FOXK1: variants seen among roughly 807,000 people sequenced by gnomAD.
The protein encoded by FOXK1 is forkhead box protein K1.
FOXK1 carries 19 observed loss-of-function variants against 51.9 expected under a neutral mutation model. The observed-to-expected ratio is 0.37, with a 90% CI of 0.26 to 0.54. The LOEUF (loss-of-function observed/expected upper bound fraction) is 0.54, where lower values mean the gene tolerates loss of function less well. Ranked by LOEUF, FOXK1 falls within the 20% of genes least tolerant of loss-of-function variation. FOXK1 has a pLI of 0.87. For synonymous variants in FOXK1, 537 were observed against 482.6 expected (o/e 1.11, Z -1.48); for missense variants, 870 against 1,032.7 (o/e 0.84, Z 2.16).
rs1780472805 is a variant in FOXK1 at position 4,731,245 on chromosome 7, T to C, written c.561-9593T>C. On this transcript the variant is annotated intron_variant, in intron 1 of 8. Transcript: ENST00000328914. The surrounding 1 kb of genome is among the most constrained non-coding windows in gnomAD (Gnocchi z 5.3). The stretch of plus-strand genomic sequence containing the variant: ...GTTCCCCGGCCTTCCCTTGAGACTC[T>C]TGGGGGCCTGGGCCCTGCGGGACGT... Among the ~76,000 whole-genome samples, 1 of 152,212 alleles carries C rather than the reference T, an allele frequency of 6.6e-6. No homozygotes were observed. The highest frequency in any genetic ancestry group is 2.4e-5 in the African/African-American group (1 of 41,450).
At position 4,711,843 on chromosome 7, in the gene FOXK1, C is replaced by T. The variant is rs537255170; in HGVS notation, c.560+28975C>T. 4.1e-3 allele frequency among the ~76,000 whole-genome samples: 624 copies of T among 152,182 alleles called. No individual in the cohort carries two copies. Among genetic ancestry groups the T allele is most frequent in the Non-Finnish European group, 6.0e-3 (407 of 68,006 alleles). ...TCAGAGAGAAAAGATTGCGGCCGGC[C>T]GGTGTCAAGGCGGGGGACCTGTGAG... On this transcript the variant is annotated intron_variant, in intron 1 of 8. Coordinates refer to ENST00000328914, the MANE Select transcript of FOXK1 (RefSeq NM_001037165.2). The surrounding 1 kb of genome is among the most constrained non-coding windows in gnomAD (Gnocchi z 6.3).
chr7:4,754,824 A>G, intron 3 of FOXK1: 1 of 680,284 alleles, frequency 1.5e-6, no homozygotes, highest in South Asian at 1.9e-5. Flanking sequence ...TTTGCTGGTG[A>G]CAGGGGTGGC....
In FOXK1 at chr7:4,728,746, A is replaced by G. The variant is rs1027591355; in HGVS notation, c.561-12092A>G. ...TCTCTTTTTGAAAAAAAAAAAAAAA[A>G]AAAAAGAAAGAAAAGAAAACGTATT... On this transcript the variant is annotated intron_variant, in intron 1 of 8. Coordinates refer to ENST00000328914, the MANE Select transcript of FOXK1 (RefSeq NM_001037165.2). 2.9e-3 allele frequency among the ~76,000 whole-genome samples: 434 copies of G among 150,568 alleles called. 5 individuals are homozygous for G. Among genetic ancestry groups the G allele is most frequent in the African/African-American group, 0.01 (417 of 41,082 alleles).
chr7:4,759,262 T>C (rs1371121985), intron 6 of FOXK1, 45 bp downstream of exon 6: 85 of 1,606,334 alleles, frequency 5.3e-5, no homozygotes, highest in Non-Finnish European at 6.0e-5. Context: ...GGGGCGGGAC[T>C]CGTGGGGGTG....
chr7:4,762,501 C>T lies in FOXK1; in HGVS notation c.*37C>T, dbSNP rs1316926758. ...ACGCGGGGGAGTGGGACTCACCCAG[C>T]GGCGACCCCGAAGCTGGACCCGGCA... On this transcript the variant is annotated 3_prime_UTR_variant, in exon 9 of 9. Coordinates refer to ENST00000328914, the MANE Select transcript of FOXK1 (RefSeq NM_001037165.2). This position sits in a 1 kb window ranked among gnomAD's most constrained non-coding sequence, Gnocchi z 5.7. The T allele has an allele frequency of 9.9e-6, 15 of 1,513,440 alleles. No individual in the cohort carries two copies. The African/African-American group carries it at 1.4e-4, about 14-fold the overall frequency. 93.8% of individuals were successfully genotyped at this position (1,513,440 alleles called of 1,614,324 possible).
intron 1 of FOXK1, among the ~76,000 whole-genome samples, chr7:4,692,481 C>T (rs1274518095): frequency 1.3e-5 from 2 of 152,146 alleles, no homozygotes; most frequent in African/African-American, 2.4e-5. Flanking sequence ...CTGCAACATC[C>T]GCCTCCTGGG....
At position 4,766,851 on chromosome 7, in the gene FOXK1, C is replaced by G. The variant is rs1781018258; in HGVS notation, c.*4387C>G. 1 of 152,182 alleles carries G rather than the reference C, an allele frequency of 6.6e-6. No individual in the cohort carries two copies. The highest frequency in any genetic ancestry group is 2.4e-5 in the African/African-American group (1 of 41,406). 9.4% of individuals were successfully genotyped at this position (152,182 alleles called of 1,614,324 possible). A position where few individuals can be genotyped will look rare whatever the true frequency, so the allele number is the denominator to read the frequency against. ...GGGAGCTGGGACTCTCCAGAAAGCC[C>G]CGGGTGAGGGCTCCGTCTTGAGAGA... On this transcript the variant is annotated 3_prime_UTR_variant, in exon 9 of 9. Transcript: ENST00000328914. This position sits in a 1 kb window ranked among gnomAD's most constrained non-coding sequence, Gnocchi z 5.5.
Position 4,729,969 on chromosome 7 carries a change from G to A in FOXK1, c.561-10869G>A, listed in dbSNP as rs926365801. Among the ~76,000 whole-genome samples, 3 of 152,050 alleles carry A rather than the reference G, an allele frequency of 2.0e-5. No individual in the cohort carries two copies. The highest frequency in any genetic ancestry group is 2.1e-4 in the South Asian group (1 of 4,828). ...CCAGCCACTGCCCTCCAGCCTGGGC[G>A]ACAGAGCGAGACTCTGTCGAAACAA... On this transcript the variant is annotated intron_variant, in intron 1 of 8. Transcript: ENST00000328914. This position sits in a 1 kb window ranked among gnomAD's most constrained non-coding sequence, Gnocchi z 6.2.
chr7:4,725,550 C>T (rs904709108), intron 1 of FOXK1, among the ~76,000 whole-genome samples: 14 of 152,256 alleles, frequency 9.2e-5, no homozygotes, highest in African/African-American at 2.4e-4. Flanking sequence ...GACCTCACTG[C>T]CTTTGTGCGG....
intron 1 of FOXK1, among the ~76,000 whole-genome samples, chr7:4,721,228 C>A (rs1780304998): frequency 6.6e-6 from 1 of 152,166 alleles, no homozygotes; most frequent in Non-Finnish European, 1.5e-5. Flanking sequence ...GAGCTTGGAT[C>A]CTGGACATCG....
chr7:4,723,760 T>C lies in FOXK1; in HGVS notation c.561-17078T>C, dbSNP rs2115049549. ...GTAGCTCACTGCAGCCTCAACCTCC[T>C]GGGCTCAAGCAATCCTCCCGCCTCA... is the stretch of plus-strand genomic sequence containing the variant. On this transcript the variant is annotated intron_variant, in intron 1 of 8. Coordinates refer to ENST00000328914, the MANE Select transcript of FOXK1 (RefSeq NM_001037165.2). The surrounding 1 kb of genome is among the most constrained non-coding windows in gnomAD (Gnocchi z 4.7). Among the ~76,000 whole-genome samples the C allele has an allele frequency of 6.6e-6, 1 of 151,784 alleles. No homozygotes were observed. The highest frequency in any genetic ancestry group is 2.0e-4 in the East Asian group (1 of 5,102).
chr7:4,734,520 C>A lies in FOXK1; in HGVS notation c.561-6318C>A, dbSNP rs1780525340. Among the ~76,000 whole-genome samples the A allele has an allele frequency of 6.6e-6, 1 of 152,226 alleles. No individual in the cohort carries two copies. Among genetic ancestry groups the A allele is most frequent in the Admixed American group, 6.5e-5 (1 of 15,282 alleles). On this transcript the variant is annotated intron_variant, in intron 1 of 8. Transcript: ENST00000328914. The surrounding 1 kb of genome is among the most constrained non-coding windows in gnomAD (Gnocchi z 5.2). ...CCCTGTCTTCCTTGATGGGGGCATTCCCCAAGTGTCTGTTCTTGTGGAAGG... is the reference window on the plus strand; with the variant it reads ...CCCTGTCTTCCTTGATGGGGGCATTACCCAAGTGTCTGTTCTTGTGGAAGG...
At chr7:4,713,227 T>C (rs1181657834) in intron 1 of FOXK1, among the ~76,000 whole-genome samples, 1 of 152,250 alleles carries the variant, frequency 6.6e-6, no homozygotes, top group Non-Finnish European at 1.5e-5. Flanking sequence ...TTTAAAGTCG[T>C]TGAAAATTAT....
intron 1 of FOXK1, among the ~76,000 whole-genome samples, chr7:4,688,668 C>A (rs1779851347): frequency 6.6e-6 from 1 of 152,066 alleles, no homozygotes; most frequent in African/African-American, 2.4e-5. Context: ...ATTGCAGCCC[C>A]CACGCCCGGC....
Position 4,709,075 on chromosome 7 carries a change from A to AAAAAG in FOXK1, c.560+26222_560+26226dup, listed in dbSNP as rs1247229143. Among the ~76,000 whole-genome samples, 1 of 151,590 alleles carries AAAAAG rather than the reference A, an allele frequency of 6.6e-6. No homozygotes were observed. The highest frequency in any genetic ancestry group is 1.5e-5 in the Non-Finnish European group (1 of 67,904). On this transcript the variant is annotated intron_variant, in intron 1 of 8. Coordinates refer to ENST00000328914, the MANE Select transcript of FOXK1 (RefSeq NM_001037165.2). The surrounding 1 kb of genome is among the most constrained non-coding windows in gnomAD (Gnocchi z 5.6). ...CGAGACTCTGTCTCAAAAAAAAAAAAAAAAGAAAAGAAAAGAAAAAGAAAA... is the reference window on the plus strand; with the variant it reads ...CGAGACTCTGTCTCAAAAAAAAAAAAAAAAGAAAAGAAAAGAAAAGAAAAAGAAAA...
Position 4,748,586 on chromosome 7 carries a change from G to C in FOXK1, c.747-5873G>C, listed in dbSNP as rs1285842174. On this transcript the variant is annotated intron_variant, in intron 2 of 8. Transcript: ENST00000328914. The surrounding 1 kb of genome is among the most constrained non-coding windows in gnomAD (Gnocchi z 4.9). ...CTCCACCATCCTGGGAATCCCCTCA[G>C]GAGGTGGTGGTGGAGAGAGGGCTGT... 6.6e-6 allele frequency among the ~76,000 whole-genome samples: 1 copy of C among 152,208 alleles called. No homozygotes were observed. Among genetic ancestry groups the C allele is most frequent in the Non-Finnish European group, 1.5e-5 (1 of 68,040 alleles).
intron 1 of FOXK1, among the ~76,000 whole-genome samples, chr7:4,700,263 A>C (rs1780004878): frequency 6.6e-6 from 1 of 152,222 alleles, no homozygotes; most frequent in Non-Finnish European, 1.5e-5. Context: ...TATGCTTGGC[A>C]CATAGTTGGC....
intron 2 of FOXK1, among the ~76,000 whole-genome samples, chr7:4,744,078 C>T (rs773389042): frequency 8.6e-5 from 13 of 151,732 alleles, no homozygotes; most frequent in Admixed American, 2.0e-4. Context: ...GGGGTTTCAC[C>T]GTATTGAAAG....
chr7:4,704,721 T>C (rs538560405), intron 1 of FOXK1, among the ~76,000 whole-genome samples: 2 of 152,154 alleles, frequency 1.3e-5, no homozygotes, highest in Middle Eastern at 3.4e-3. Flanking sequence ...GTTATACTTT[T>C]TAAATTTTTT....
Sources: allele counts gnomAD v4.1 joint callset (sites outside exome capture counted in the v4.1 genomes callset), GRCh38; gene constraint gnomAD v4.1.1; non-coding constraint Gnocchi (gnomAD v3.1); transcripts MANE v1.5; gene names NCBI Gene and HGNC (gene_info 2026-07-23, HGNC 2026-07-21).